AUTS2: variants seen among roughly 807,000 people sequenced by gnomAD.
The protein encoded by AUTS2 is activator of transcription and developmental regulator AUTS2, also known as autism susceptibility gene 2 protein.
AUTS2 carries 17 observed loss-of-function variants against 112.4 expected under a neutral mutation model. The observed-to-expected ratio is 0.15, with a 90% confidence interval of 0.10 to 0.23. The LOEUF is 0.23. Among genes scored for constraint, AUTS2 ranks in the 10% least tolerant of loss-of-function variants. The pLI, the probability that AUTS2 is intolerant of heterozygous loss-of-function variation, is 1.00. For missense variants in AUTS2, 1,510 were observed against 1,701.6 expected (o/e 0.89, Z 1.98); for synonymous variants, 751 against 702.7 (o/e 1.07, Z -1.09).
At chr7:69,622,722 A>G (rs928971079) in intron 1 of AUTS2, among the ~76,000 whole-genome samples, 1 of 152,252 alleles carries the variant, frequency 6.6e-6, no homozygotes, top group Non-Finnish European at 1.5e-5. Context: ...TGATAATAAC[A>G]TATCAGCTTC....
At chr7:70,741,336 GA>G (rs76240654) in intron 6 of AUTS2, among the ~76,000 whole-genome samples, 118 of 137,136 alleles carry the variant, frequency 8.6e-4, no homozygotes, top group African/African-American at 2.2e-3. Flanking sequence ...ATCACTGACA[GA>G]AAAAAAAAAA....
At chr7:70,076,406 A>G (rs1040583696) in intron 2 of AUTS2, among the ~76,000 whole-genome samples, 1 of 152,218 alleles carries the variant, frequency 6.6e-6, no homozygotes, top group Non-Finnish European at 1.5e-5. Context: ...TAGTGAAAAG[A>G]TGTTGAACAA....
intron 6 of AUTS2, among the ~76,000 whole-genome samples, chr7:70,734,689 A>G (rs1787678866): frequency 6.6e-6 from 1 of 152,178 alleles, no homozygotes; most frequent in Admixed American, 6.5e-5. Flanking sequence ...TAGAAAATAA[A>G]GCCATATAAT....
chr7:70,730,232 TTTTG>T lies in AUTS2; in HGVS notation c.742+31627_742+31630del, dbSNP rs35216857. Reference sequence around the variant, plus strand: ...AGGACAACCAGTTTTTTTTTTTGTTTTTTGTTTGTTTGTTTGTTGGTTTTTTAGT... The same window carrying T: ...AGGACAACCAGTTTTTTTTTTTGTTTTTTGTTTGTTTGTTGGTTTTTTAGT... On this transcript the variant is annotated intron_variant, in intron 6 of 18. Transcript: ENST00000342771. Among the ~76,000 whole-genome samples the T allele has an allele frequency of 3.6e-4, 54 of 151,244 alleles. 1 individual carries two copies. In the East Asian group the frequency reaches 9.2e-3, roughly 26 times the overall value.
intron 5 of AUTS2, among the ~76,000 whole-genome samples, chr7:70,648,470 A>G (rs749562212): frequency 7.2e-5 from 11 of 152,226 alleles, no homozygotes; most frequent in Non-Finnish European, 1.6e-4. Flanking sequence ...TGAGAGTTTC[A>G]TGATCTTGAA....
chr7:70,727,246 G>A (rs753617723), intron 6 of AUTS2, among the ~76,000 whole-genome samples: 4 of 152,160 alleles, frequency 2.6e-5, no homozygotes, highest in Non-Finnish European at 5.9e-5. Flanking sequence ...CCAAAGCAAC[G>A]GTAATTGTAC....
chr7:69,806,269 T>C (rs1006731904), intron 1 of AUTS2, among the ~76,000 whole-genome samples: 1 of 136,964 alleles, frequency 7.3e-6, no homozygotes, highest in Non-Finnish European at 1.5e-5. Context: ...AAGAGGAAGA[T>C]ATGAAGACAA....
rs74502529 is a variant in AUTS2 at position 70,422,987 on chromosome 7, T to G, written c.661-12765T>G. 2.7e-3 allele frequency among the ~76,000 whole-genome samples: 414 copies of G among 152,238 alleles called. 16 individuals are homozygous for G. The East Asian group carries it at 0.069, about 25-fold the overall frequency. On this transcript the variant is annotated intron_variant, in intron 4 of 18. Coordinates refer to ENST00000342771, the MANE Select transcript of AUTS2 (RefSeq NM_015570.4). ...ATTGAGCACCTTCTAGGTACCAGCTTCAAGTGGAGCAAGATATGAGCAAAC... is the reference window on the plus strand; with the variant it reads ...ATTGAGCACCTTCTAGGTACCAGCTGCAAGTGGAGCAAGATATGAGCAAAC...
At chr7:69,983,946 T>A (rs1040054646) in intron 2 of AUTS2, among the ~76,000 whole-genome samples, 1 of 152,218 alleles carries the variant, frequency 6.6e-6, no homozygotes. Flanking sequence ...AATACTGTGA[T>A]TCATCAGACA....
At chr7:70,725,001 CA>C (rs1391207174) in intron 6 of AUTS2, among the ~76,000 whole-genome samples, 1 of 152,108 alleles carries the variant, frequency 6.6e-6, no homozygotes, top group East Asian at 1.9e-4. Flanking sequence ...CATGCTTGTG[CA>C]GGGGTGGGAG....
At position 70,512,849 on chromosome 7, in the gene AUTS2, A is replaced by AG. The variant is rs996391771; in HGVS notation, c.690+77068_690+77069insG. Among the ~76,000 whole-genome samples the AG allele has an allele frequency of 2.6e-5, 4 of 151,492 alleles. 1 individual carries two copies. In the Middle Eastern group the frequency reaches 9.5e-3, roughly 360 times the overall value. On this transcript the variant is annotated intron_variant, in intron 5 of 18. Transcript: ENST00000342771. ...AAACTCACTTAAAGAAAAAAAAAAA[A>AG]CCATGCAGCTTTTGATATATACACA...
chr7:70,114,746 A>AGCAGAGAT (rs1431930564), intron 2 of AUTS2, among the ~76,000 whole-genome samples: 2 of 152,220 alleles, frequency 1.3e-5, no homozygotes, highest in African/African-American at 4.8e-5. Flanking sequence ...GGTTGCGGTG[A>AGCAGAGAT]GCAGAGATGG....
intron 4 of AUTS2, among the ~76,000 whole-genome samples, chr7:70,169,076 T>G (rs1808531720): frequency 6.6e-6 from 1 of 152,174 alleles, no homozygotes; most frequent in African/African-American, 2.4e-5. Context: ...TTACATGAGA[T>G]GGATAGAAAA....
At chr7:69,823,727 G>T (rs1791107216) in intron 1 of AUTS2, among the ~76,000 whole-genome samples, 1 of 151,974 alleles carries the variant, frequency 6.6e-6, no homozygotes, top group African/African-American at 2.4e-5. Context: ...CACATAAAAG[G>T]AAGCACTTAC....
chr7:70,034,794 G>A (rs568407627), intron 2 of AUTS2, among the ~76,000 whole-genome samples: 20 of 152,248 alleles, frequency 1.3e-4, no homozygotes, highest in South Asian at 2.1e-4. Flanking sequence ...AGTTGAGCAC[G>A]TCTTGAGTGT....
chr7:69,680,333 CT>C (rs1230930836), intron 1 of AUTS2, among the ~76,000 whole-genome samples: 1 of 152,228 alleles, frequency 6.6e-6, no homozygotes, highest in Non-Finnish European at 1.5e-5. Context: ...GATTCAATTA[CT>C]TGCATGAAAT....
intron 5 of AUTS2, among the ~76,000 whole-genome samples, chr7:70,675,785 G>C (rs894652826): frequency 6.6e-6 from 1 of 152,236 alleles, no homozygotes; most frequent in African/African-American, 2.4e-5. Flanking sequence ...CGTCTGGGTT[G>C]TGGGAGGAGT....
At chr7:69,645,721 T>A (rs932546730) in intron 1 of AUTS2, among the ~76,000 whole-genome samples, 5 of 151,594 alleles carry the variant, frequency 3.3e-5, no homozygotes, top group African/African-American at 1.2e-4. Context: ...GTGGTTTCTG[T>A]GGGGTTATGG....
rs564716644 is a variant in AUTS2 at position 70,188,788 on chromosome 7, T to C, written c.660+54217T>C. Among the ~76,000 whole-genome samples, 4 of 148,974 alleles carry C rather than the reference T, an allele frequency of 2.7e-5. No individual in the cohort carries two copies. The South Asian group carries it at 6.3e-4, about 23-fold the overall frequency. ...TTTTCTTTTCTTTCTTTCTTTCTTT[T>C]TTTTTTTTTTGAGACGGAGTTGCGC... On this transcript the variant is annotated intron_variant, in intron 4 of 18. Coordinates refer to ENST00000342771, the MANE Select transcript of AUTS2 (RefSeq NM_015570.4).
Sources: gnomAD v4.1 joint callset for allele counts (sites outside exome capture counted in the v4.1 genomes callset) on GRCh38, gnomAD v4.1.1 for gene constraint, MANE v1.5 for transcripts, NCBI Gene and HGNC (gene_info 2026-07-23, HGNC 2026-07-21) for gene names.